The following ZNF91 variants were observed in gnomAD, a reference collection of about 807,000 sequenced individuals.
ZNF91 encodes zinc finger protein 91.
A neutral mutation model predicts 12.6 loss-of-function variants in ZNF91; 7 were observed. The observed-to-expected ratio is 0.55, with a 90% CI of 0.31 to 1.04. ZNF91 has a LOEUF of 1.04. Among genes scored for constraint, ZNF91 ranks in the 50% least tolerant of loss-of-function variants. ZNF91 has a pLI of 0.05. For synonymous variants in ZNF91, 453 were observed against 462.6 expected, an observed-to-expected ratio of 0.98 and a Z score of 0.27; for missense variants, 1,217 against 1,385.4, an observed-to-expected ratio of 0.88 and a Z score of 1.93.
Position 23,360,184 on chromosome 19 carries a change from T to C in ZNF91, c.2795A>G (p.His932Arg), listed in dbSNP as rs1359064117. ...ACATTTGTAGGGTTTCTCTCCAGTG[T>C]GCATCCTCTTATGTGTAGTAAGGTG... ...PSHLTTHKRM[H>R]TGEKPYKCEE... is the part of the protein sequence containing the mutation. The change falls in exon 4 of 4, where the codon CAC becomes CGC. Residue 932 changes from histidine to arginine, a missense_variant. By Grantham distance (29) the His-to-Arg change is conservative (BLOSUM62 0). This residue lies in a region of ZNF91 where 491 missense variants were observed against 489.8 expected (regional missense o/e 1.00). Transcript: ENST00000300619. 1 of 1,613,878 alleles carries C rather than the reference T, an allele frequency of 6.2e-7. No homozygotes were observed. Among genetic ancestry groups the C allele is most frequent in the East Asian group, 2.2e-5 (1 of 44,848 alleles).
Position 23,360,602 on chromosome 19 carries a change from T to G in ZNF91, c.2377A>C (p.Thr793Pro). The change falls in exon 4 of 4, where the codon ACT becomes CCT. Residue 793 changes from threonine to proline, a missense_variant. This residue lies in a region of ZNF91 where 491 missense variants were observed against 489.8 expected (regional missense o/e 1.00). Coordinates refer to ENST00000300619, the MANE Select transcript of ZNF91 (RefSeq NM_003430.4). ...STLTRHKRIH[T>P]GEKPYKCEEC... ...TCACATTTGTAGGGCTTCTCTCCAG[T>G]GTGTATCCTCTTATGTCTAGTTAGG... The G allele has an allele frequency of 6.2e-7, 1 of 1,613,418 alleles. No homozygotes were observed. Among genetic ancestry groups the G allele is most frequent in the Non-Finnish European group, 8.5e-7 (1 of 1,179,802 alleles).
At chr19:23,311,551 G>A (rs1006291345), upstream of ZNF91, among the ~76,000 whole-genome samples, 3 of 152,122 alleles carry the variant, frequency 2.0e-5, no homozygotes, top group Admixed American at 6.5e-5. Flanking sequence ...AGGGTATTGT[G>A]ACGTATTTTT....
intron 3 of ZNF91, among the ~76,000 whole-genome samples, chr19:23,365,711 G>GCGGCCTTC (rs1366198140): frequency 6.6e-6 from 1 of 152,104 alleles, no homozygotes; most frequent in Non-Finnish European, 1.5e-5. Context: ...AGAGGACCCT[G>GCGGCCTTC]CGGCCTTCCG....
At chr19:23,332,567 TCTC>T (rs1418813248) in intron 1 of ZNF91, among the ~76,000 whole-genome samples, 1 of 151,930 alleles carries the variant, frequency 6.6e-6, no homozygotes, top group Non-Finnish European at 1.5e-5. Context: ...TAACTGAAAA[TCTC>T]CTGTGTGCAG....
intron 3 of ZNF91, among the ~76,000 whole-genome samples, chr19:23,349,413 T>A (rs1382759904): frequency 6.6e-6 from 1 of 152,124 alleles, no homozygotes; most frequent in Non-Finnish European, 1.5e-5. Context: ...ATAACCTACA[T>A]TGAAATATTG....
chr19:23,344,794 A>C (rs1428569681), intron 3 of ZNF91, among the ~76,000 whole-genome samples: 1 of 152,218 alleles, frequency 6.6e-6, no homozygotes, highest in African/African-American at 2.4e-5. Flanking sequence ...CCTAGTCCAA[A>C]GGCACAAAGC....
chr19:23,362,377 T>C lies in ZNF91; in HGVS notation c.602A>G (p.Lys201Arg), dbSNP rs371036104. 142 of 1,613,688 alleles carry C rather than the reference T, an allele frequency of 8.8e-5. No individual in the cohort carries two copies. The African/African-American group carries it at 1.7e-3, about 19-fold the overall frequency. Residue 201 changes from lysine to arginine, a missense_variant, in exon 4 of 4, where the codon AAA becomes AGA. By Grantham distance (26) the Lys-to-Arg change is conservative. Coordinates refer to ENST00000300619, the MANE Select transcript of ZNF91 (RefSeq NM_003430.4). The stretch of plus-strand genomic sequence containing the variant: ...GGACTTCTCTGTAATATAAACGCAT[T>C]TATGTTGGGTTTTGTGTAAACGGAT... ...FCIRLHKTQH[K>R]CVYITEKSCK...
chr19:23,328,447 G>A (rs1010624489), intron 1 of ZNF91: 7 of 152,236 alleles, frequency 4.6e-5, no homozygotes, highest in African/African-American at 1.4e-4. Flanking sequence ...AAAGGTGGAT[G>A]TGTCAGGGAA....
intron 3 of ZNF91, among the ~76,000 whole-genome samples, chr19:23,363,761 G>T (rs1418489001): frequency 2.0e-5 from 3 of 152,074 alleles, no homozygotes; most frequent in Non-Finnish European, 4.4e-5. Flanking sequence ...AATACTCACT[G>T]ATTAAAATAG....
chr19:23,394,217 A>C (rs1970158171), intron 1 of ZNF91, among the ~76,000 whole-genome samples: 1 of 152,052 alleles, frequency 6.6e-6, no homozygotes, highest in Non-Finnish European at 1.5e-5. Flanking sequence ...TTCAGGGAAA[A>C]ATCGTCCCCT....
intron 1 of ZNF91, chr19:23,324,473 G>C (rs1967798354): frequency 6.6e-6 from 1 of 151,732 alleles, no homozygotes; most frequent in African/African-American, 2.4e-5. Flanking sequence ...ATTTATATTA[G>C]CTTTTGGAGG....
In ZNF91 at chr19:23,361,411, C is replaced by T; in HGVS notation, c.1568G>A (p.Cys523Tyr). 1.2e-6 allele frequency: 2 copies of T among 1,613,672 alleles called. No homozygotes were observed. The highest frequency in any genetic ancestry group is 1.7e-6 in the Non-Finnish European group (2 of 1,179,800). Residue 523 changes from cysteine (C) to tyrosine (Y), a missense_variant, in exon 4 of 4, where the codon TGT becomes TAT. Cys to Tyr is a radical substitution (Grantham distance 194, BLOSUM62 -2). This residue lies in a region of ZNF91 where 726 missense variants were observed against 895.5 expected (regional missense o/e 0.81). Coordinates refer to ENST00000300619, the MANE Select transcript of ZNF91 (RefSeq NM_003430.4). ...TGEKPYKFEE[C>Y]GKAFRQSLTL... ...TAAGGATTGTCTAAAAGCTTTGCCA[C>T]ATTCTTCAAATTTGTAGGGTTTCTC...
chr19:23,353,461 T>C (rs1968415346), downstream of ZNF91, among the ~76,000 whole-genome samples: 1 of 152,094 alleles, frequency 6.6e-6, no homozygotes, highest in South Asian at 2.1e-4. Flanking sequence ...GCTAAGGTGA[T>C]GAAGAGGAAA....
chr19:23,347,749 T>C (rs1298504527), intron 3 of ZNF91, among the ~76,000 whole-genome samples: 2 of 152,198 alleles, frequency 1.3e-5, no homozygotes, highest in Non-Finnish European at 2.9e-5. Context: ...TCCTGCTCTA[T>C]CTGCCACTCA....
intron 3 of ZNF91, among the ~76,000 whole-genome samples, chr19:23,341,285 A>G (rs1291914519): frequency 1.3e-5 from 2 of 152,094 alleles, no homozygotes; most frequent in East Asian, 3.9e-4. Context: ...TTCTGACCTC[A>G]TGACCTGCCC....
chr19:23,330,081 T>C (rs527441461), intron 1 of ZNF91, among the ~76,000 whole-genome samples: 8 of 152,258 alleles, frequency 5.3e-5, no homozygotes, highest in African/African-American at 1.7e-4. Flanking sequence ...ATGCCTGTAA[T>C]CCCAGCACTT....
intron 3 of ZNF91, among the ~76,000 whole-genome samples, chr19:23,371,166 A>G (rs1006064123): frequency 2.6e-5 from 4 of 151,832 alleles, no homozygotes; most frequent in Non-Finnish European, 5.9e-5. Context: ...CATGAGAGAA[A>G]CCCTGTCTCT....
chr19:23,393,971 C>T (rs1970151416), intron 1 of ZNF91, among the ~76,000 whole-genome samples: 1 of 152,048 alleles, frequency 6.6e-6, no homozygotes, highest in Admixed American at 6.5e-5. Flanking sequence ...GCACTCCAGC[C>T]TGGGTGACAG....
intron 3 of ZNF91, among the ~76,000 whole-genome samples, chr19:23,373,361 T>A: frequency 1.3e-5 from 1 of 75,680 alleles, no homozygotes; most frequent in Non-Finnish European, 3.0e-5. Flanking sequence ...TATATATATA[T>A]ATATATATAT....
Sources: gnomAD v4.1 joint callset for allele counts (sites outside exome capture counted in the v4.1 genomes callset) on GRCh38, gnomAD v4.1.1 for gene constraint, gnomAD v4.1.1 regional missense constraint, MANE v1.5 for transcripts, NCBI Gene and HGNC (gene_info 2026-07-23, HGNC 2026-07-21) for gene names.